Variants in ZNF138 observed in about 807,000 individuals in gnomAD.
ZNF138 encodes the protein zinc finger protein 138.
A neutral mutation model predicts 33.0 loss-of-function variants in ZNF138; 33 were observed. That is an observed-to-expected ratio of 1.00 (90% CI 0.76 to 1.34). The LOEUF (loss-of-function observed/expected upper bound fraction) is 1.34, where lower values mean the gene tolerates loss of function less well. ZNF138 is among the 40% of genes most tolerant of loss of function. ZNF138 has a pLI of 0.00. For synonymous variants in ZNF138, 139 were observed against 120.4 expected (o/e 1.15, Z -1.01); for missense variants, 360 against 370.8 (o/e 0.97, Z 0.24).
intron 3 of ZNF138, 66 bp from the exon 4 acceptor site, chr7:64,831,385 G>C (rs1790064989): frequency 7.3e-7 from 1 of 1,370,660 alleles, no homozygotes; most frequent in South Asian, 1.5e-5. Context: ...TTATAGGTTA[G>C]ATTTGTAAAG....
chr7:64,859,002 A>G, the ZNF138 span, among the ~76,000 whole-genome samples: 6 of 151,984 alleles, frequency 3.9e-5, no homozygotes, highest in Admixed American at 2.6e-4. Flanking sequence ...ATCTCAGTTC[A>G]CTGCCACCTC....
chr7:64,826,966 G>A (rs1245775918), intron 3 of ZNF138, among the ~76,000 whole-genome samples: 1 of 151,386 alleles, frequency 6.6e-6, no homozygotes, highest in Non-Finnish European at 1.5e-5. Flanking sequence ...TTCATATTCT[G>A]TAGAAGAAGT....
At chr7:64,829,526 CTT>C (rs1789911383) in intron 3 of ZNF138, among the ~76,000 whole-genome samples, 1 of 1,138 alleles carries the variant, frequency 8.8e-4, no homozygotes, top group African/African-American at 1.4e-3. Context: ...AAATGACAGT[CTT>C]TAACTTAAGA....
chr7:64,806,380 C>A (rs1309306058), intron 1 of ZNF138, among the ~76,000 whole-genome samples: 1 of 152,204 alleles, frequency 6.6e-6, no homozygotes, highest in Non-Finnish European at 1.5e-5. Flanking sequence ...GAAACTGATT[C>A]AGAGACCATG....
chr7:64,814,240 A>G (rs978269898), intron 1 of ZNF138: 1 of 643,104 alleles, frequency 1.6e-6, no homozygotes. Flanking sequence ...TATTGTACAC[A>G]TTAAAACTTG....
intron 3 of ZNF138, among the ~76,000 whole-genome samples, chr7:64,816,659 AT>A (rs1223037598): frequency 1.3e-5 from 2 of 150,766 alleles, no homozygotes; most frequent in African/African-American, 2.4e-5. Context: ...CTTCAATGGC[AT>A]TTTTTTTTCA....
chr7:64,830,925 CCT>C, intron 3 of ZNF138: 1 of 1,547,974 alleles, frequency 6.5e-7, no homozygotes, highest in Non-Finnish European at 8.7e-7. Flanking sequence ...ACAACTGTTC[CCT>C]GTCTCTTTGC....
chr7:64,811,024 A>G (rs1020503760), intron 1 of ZNF138, among the ~76,000 whole-genome samples: 1 of 152,206 alleles, frequency 6.6e-6, no homozygotes, highest in Admixed American at 6.5e-5. Context: ...TGCAAGTCAG[A>G]AAAAAGTAAA....
chr7:64,844,812 G>C, the ZNF138 span, among the ~76,000 whole-genome samples: 1 of 152,088 alleles, frequency 6.6e-6, no homozygotes, highest in Non-Finnish European at 1.5e-5. Flanking sequence ...TCAGCTTCCT[G>C]AGTAGCTGAG....
chr7:64,852,307 T>C, the ZNF138 span: 1 of 866,260 alleles, frequency 1.2e-6, no homozygotes, highest in Non-Finnish European at 1.9e-6. Flanking sequence ...ACAGTGAGAT[T>C]TTTGTTGCTT....
At chr7:64,835,542 T>A (rs2129017988), downstream of ZNF138, 1 of 151,872 alleles carries the variant, frequency 6.6e-6, no homozygotes, top group African/African-American at 2.4e-5. Flanking sequence ...GTCCTAGGAA[T>A]GTTTTAACTC....
chr7:64,800,626 A>C (rs887842974), intron 1 of ZNF138, among the ~76,000 whole-genome samples: 1 of 152,312 alleles, frequency 6.6e-6, no homozygotes, highest in South Asian at 2.1e-4. Context: ...AATGGTCCTC[A>C]AGGATATTTG....
chr7:64,853,149 G>A, the ZNF138 span: 41 of 1,465,220 alleles, frequency 2.8e-5, no homozygotes, highest in South Asian at 4.0e-4. Flanking sequence ...GGAATGACAA[G>A]TATCCATTCC....
chr7:64,845,320 T>C, the ZNF138 span, among the ~76,000 whole-genome samples: 6 of 152,366 alleles, frequency 3.9e-5, no homozygotes, highest in African/African-American at 1.4e-4. Context: ...GTTTATTTGC[T>C]CGTTGATTGA....
chr7:64,825,140 G>A (rs910531593), intron 3 of ZNF138, among the ~76,000 whole-genome samples: 1 of 135,682 alleles, frequency 7.4e-6, no homozygotes, highest in Non-Finnish European at 1.5e-5. Context: ...CTTGTAGGCC[G>A]CATGTTGTAT....
chr7:64,819,761 T>C (rs1468000564), intron 3 of ZNF138, among the ~76,000 whole-genome samples: 1 of 151,874 alleles, frequency 6.6e-6, no homozygotes, highest in East Asian at 1.9e-4. Context: ...ATTTACCATC[T>C]TAAATCTATT....
At chr7:64,829,116 C>T (rs1412235798) in intron 3 of ZNF138, among the ~76,000 whole-genome samples, 1 of 151,952 alleles carries the variant, frequency 6.6e-6, no homozygotes, top group African/African-American at 2.4e-5. Flanking sequence ...CTTTTTTGGC[C>T]TACCAAGTGT....
At chr7:64,839,819 G>T in the ZNF138 span, among the ~76,000 whole-genome samples, 1 of 152,134 alleles carries the variant, frequency 6.6e-6, no homozygotes, top group Non-Finnish European at 1.5e-5. Context: ...CCAATGAAAG[G>T]CAATGGAAGG....
At chr7:64,844,129 A>C in the ZNF138 span, among the ~76,000 whole-genome samples, 91,998 of 152,142 alleles carry the variant, frequency 0.6, 28,440 homozygotes, top group South Asian at 0.7. Flanking sequence ...GCCAAGGTTA[A>C]GTTTTTAAAA....
Sources: gnomAD v4.1 joint callset for allele counts (sites outside exome capture counted in the v4.1 genomes callset) on GRCh38, gnomAD v4.1.1 for gene constraint, MANE v1.5 for transcripts, NCBI Gene and HGNC (gene_info 2026-07-23, HGNC 2026-07-21) for gene names.